PRKN: variants seen among roughly 807,000 people sequenced by gnomAD.
PRKN encodes the protein E3 ubiquitin-protein ligase parkin.
A neutral mutation model predicts 59.5 loss-of-function variants in PRKN; 56 were observed. The ratio of observed to expected loss-of-function variants is 0.94; its 90% CI spans 0.76 to 1.18. The LOEUF (loss-of-function observed/expected upper bound fraction) is 1.18. PRKN is among the 50% of genes most tolerant of loss of function. The pLI, the probability that PRKN is intolerant of heterozygous loss-of-function variation, is 0.00. For synonymous variants in PRKN, 250 were observed against 222.1 expected, an observed-to-expected ratio of 1.13 and a Z score of -1.12; for missense variants, 657 against 596.4, an observed-to-expected ratio of 1.10 and a Z score of -1.06.
chr6:161,840,882 G>C (rs1340347093), intron 6 of PRKN, among the ~76,000 whole-genome samples: 5 of 152,014 alleles, frequency 3.3e-5, no homozygotes, highest in Admixed American at 1.3e-4. Flanking sequence ...ATCTCACACT[G>C]GTCAGAATGG....
intron 4 of PRKN, among the ~76,000 whole-genome samples, chr6:162,162,170 C>G (rs901198231): frequency 6.6e-6 from 1 of 152,170 alleles, no homozygotes. Context: ...GCAACCTCCA[C>G]CTCCCAGGTT....
chr6:161,997,004 C>T (rs1781872936), intron 5 of PRKN, among the ~76,000 whole-genome samples: 1 of 152,076 alleles, frequency 6.6e-6, no homozygotes, highest in Non-Finnish European at 1.5e-5. Context: ...TCTTGCAAAC[C>T]TAGTCTACCT....
intron 4 of PRKN, among the ~76,000 whole-genome samples, chr6:162,059,633 G>T (rs1778013110): frequency 6.6e-6 from 1 of 152,164 alleles, no homozygotes; most frequent in Non-Finnish European, 1.5e-5. Context: ...ACGTCAATTA[G>T]AGAAGCAAAA....
At chr6:162,341,517 T>A (rs1474294255) in intron 2 of PRKN, among the ~76,000 whole-genome samples, 1 of 152,128 alleles carries the variant, frequency 6.6e-6, no homozygotes, top group Admixed American at 6.6e-5. Flanking sequence ...CAAATGGCCA[T>A]CAATGATAGA....
intron 1 of PRKN, among the ~76,000 whole-genome samples, chr6:162,649,683 T>C (rs1778342364): frequency 6.6e-6 from 1 of 152,166 alleles, no homozygotes; most frequent in South Asian, 2.1e-4. Flanking sequence ...ATTAAACTTT[T>C]ATGAGTCTCA....
At chr6:161,474,579 CAACT>C (rs1353615204) in intron 9 of PRKN, among the ~76,000 whole-genome samples, 13 of 151,866 alleles carry the variant, frequency 8.6e-5, no homozygotes, top group African/African-American at 3.1e-4. Flanking sequence ...CTTGAAATAC[CAACT>C]ATGTTCACCA....
Position 161,544,281 on chromosome 6 carries a change from C to T in PRKN, c.1083+4573G>A, listed in dbSNP as rs932884473. ...AATGGACTTTTTGTGGATCCCTGAA[C>T]ATAGTGTTATTTTGGTTTTCTGAAT... On this transcript the variant is annotated intron_variant, in intron 9 of 11. Coordinates refer to ENST00000366898, the MANE Select transcript of PRKN (RefSeq NM_004562.3). This position sits in a 1 kb window ranked among gnomAD's most constrained non-coding sequence, Gnocchi z 5.5. Among the ~76,000 whole-genome samples, 1 of 152,084 alleles carries T rather than the reference C, an allele frequency of 6.6e-6. No individual in the cohort carries two copies. Among genetic ancestry groups the T allele is most frequent in the Non-Finnish European group, 1.5e-5 (1 of 68,008 alleles).
At chr6:162,139,902 A>AG (rs1380892255) in intron 4 of PRKN, among the ~76,000 whole-genome samples, 1 of 152,068 alleles carries the variant, frequency 6.6e-6, no homozygotes, top group East Asian at 1.9e-4. Context: ...AAAAAAAAAA[A>AG]AAATTATGAA....
chr6:161,677,444 C>T (rs1018218182), intron 7 of PRKN, among the ~76,000 whole-genome samples: 6 of 152,194 alleles, frequency 3.9e-5, no homozygotes, highest in Non-Finnish European at 7.3e-5. Flanking sequence ...TCGGCTTCTC[C>T]GTTGCCATGC....
intron 8 of PRKN, among the ~76,000 whole-genome samples, chr6:161,568,496 G>A (rs186346053): frequency 1.3e-5 from 2 of 152,334 alleles, no homozygotes; most frequent in African/African-American, 4.8e-5. Flanking sequence ...AGGAGGCTGA[G>A]ACAGGAGAAT....
At chr6:161,839,330 A>G (rs1792888640) in intron 6 of PRKN, among the ~76,000 whole-genome samples, 1 of 152,126 alleles carries the variant, frequency 6.6e-6, no homozygotes. Context: ...TACAATGTGC[A>G]CGTGGGGATA....
intron 6 of PRKN, among the ~76,000 whole-genome samples, chr6:161,802,526 C>T (rs1315759846): frequency 3.3e-5 from 5 of 152,138 alleles, no homozygotes; most frequent in Non-Finnish European, 7.4e-5. Flanking sequence ...CACCTGGCTC[C>T]CAGCCTTTCT....
At chr6:162,270,474 T>C in intron 2 of PRKN, among the ~76,000 whole-genome samples, 1 of 152,138 alleles carries the variant, frequency 6.6e-6, no homozygotes, top group East Asian at 1.9e-4. Context: ...CTAACTTACG[T>C]AAACAAATAC....
chr6:162,264,958 T>C (rs762546302), intron 2 of PRKN, among the ~76,000 whole-genome samples: 16 of 152,132 alleles, frequency 1.1e-4, no homozygotes, highest in Non-Finnish European at 2.4e-4. Flanking sequence ...TACATCTCAA[T>C]AGTCACCTCC....
intron 7 of PRKN, among the ~76,000 whole-genome samples, chr6:161,696,207 C>G (rs989624538): frequency 3.9e-5 from 6 of 152,124 alleles, no homozygotes; most frequent in African/African-American, 1.2e-4. Context: ...TTTGGAAAAC[C>G]ATTTTTTTCC....
intron 1 of PRKN, among the ~76,000 whole-genome samples, chr6:162,587,759 T>C (rs1235886699): frequency 1.3e-5 from 2 of 152,090 alleles, no homozygotes; most frequent in Admixed American, 6.6e-5. Flanking sequence ...ATAAACCTCC[T>C]TGATGATTAC....
chr6:162,393,908 C>T (rs974719563), intron 2 of PRKN, among the ~76,000 whole-genome samples: 65 of 152,228 alleles, frequency 4.3e-4, no homozygotes, highest in African/African-American at 1.5e-3. Flanking sequence ...TGGTTGCTCA[C>T]TAAACCATAT....
intron 6 of PRKN, among the ~76,000 whole-genome samples, chr6:161,859,685 T>G (rs898921144): frequency 1.3e-4 from 19 of 151,976 alleles, no homozygotes; most frequent in African/African-American, 4.6e-4. Context: ...ACAGTCCTGC[T>G]TCTTAACTGT....
At position 161,752,280 on chromosome 6, in the gene PRKN, G is replaced by A. The variant is rs539637911; in HGVS notation, c.871+33492C>T. The stretch of plus-strand genomic sequence containing the variant: ...AGCTACTCGAGAGGCTGAGGCAGGA[G>A]AATTGCTTGAACTCAGGGCAGAGGC... On this transcript the variant is annotated intron_variant, in intron 7 of 11. Transcript: ENST00000366898. 7.5e-4 allele frequency among the ~76,000 whole-genome samples: 114 copies of A among 152,280 alleles called. No individual in the cohort carries two copies. In the Middle Eastern group the frequency reaches 0.01, roughly 14 times the overall value.
Sources: gnomAD v4.1 joint callset for allele counts (sites outside exome capture counted in the v4.1 genomes callset) on GRCh38, gnomAD v4.1.1 for gene constraint, Gnocchi (gnomAD v3.1) non-coding constraint, MANE v1.5 for transcripts, NCBI Gene and HGNC (gene_info 2026-07-23, HGNC 2026-07-21) for gene names.